ANGPT1: variants seen among roughly 807,000 people sequenced by gnomAD.
The protein encoded by ANGPT1 is angiopoietin-1.
A neutral mutation model predicts 62.2 loss-of-function variants in ANGPT1; 17 were observed. The observed-to-expected ratio is 0.27, with a 90% CI of 0.19 to 0.41. ANGPT1 has a LOEUF of 0.41. Among genes scored for constraint, ANGPT1 ranks in the 10% least tolerant of loss-of-function variants. The pLI is 1.00. For missense variants in ANGPT1, 478 were observed against 594.9 expected (o/e 0.80, Z 2.04); for synonymous variants, 199 against 198.9 (o/e 1.00, Z 0.00).
At chr8:107,393,733 C>T (rs777930712) in intron 1 of ANGPT1, among the ~76,000 whole-genome samples, 1 of 152,186 alleles carries the variant, frequency 6.6e-6, no homozygotes, top group East Asian at 1.9e-4. Context: ...TCACTTGAAC[C>T]TGGGAGACGG....
chr8:107,298,928 TAC>T (rs1296802287), intron 5 of ANGPT1, among the ~76,000 whole-genome samples: 1 of 151,842 alleles, frequency 6.6e-6, no homozygotes, highest in African/African-American at 2.4e-5. Context: ...GTTTACAATG[TAC>T]AGTCTACATG....
chr8:107,462,997 C>A (rs559183225), intron 1 of ANGPT1, among the ~76,000 whole-genome samples: 1 of 152,146 alleles, frequency 6.6e-6, no homozygotes, highest in African/African-American at 2.4e-5. Flanking sequence ...CTAAAATTCA[C>A]ATACTGTGTA....
chr8:107,398,357 T>C (rs1005719189), intron 1 of ANGPT1, among the ~76,000 whole-genome samples: 3 of 152,166 alleles, frequency 2.0e-5, no homozygotes, highest in Admixed American at 6.5e-5. Flanking sequence ...AATTTAAATG[T>C]TAAAAATCCA....
At chr8:107,277,596 A>G (rs10098642) in intron 7 of ANGPT1, among the ~76,000 whole-genome samples, 2,033 of 152,296 alleles carry the variant, frequency 0.013, 51 homozygotes, top group African/African-American at 0.045. Context: ...ATTCCATTAA[A>G]AAACCAAAAA....
chr8:107,259,699 T>C (rs1415804325), intron 8 of ANGPT1, among the ~76,000 whole-genome samples: 1 of 152,088 alleles, frequency 6.6e-6, no homozygotes. Context: ...ATAATTACAG[T>C]TTATGAAAGA....
At chr8:107,457,082 T>C (rs1811939136) in intron 1 of ANGPT1, among the ~76,000 whole-genome samples, 1 of 152,130 alleles carries the variant, frequency 6.6e-6, no homozygotes, top group African/African-American at 2.4e-5. Flanking sequence ...AATTTAACTA[T>C]GTGGCTGATA....
intron 1 of ANGPT1, among the ~76,000 whole-genome samples, chr8:107,355,449 T>C (rs2130186474): frequency 6.6e-6 from 1 of 152,278 alleles, no homozygotes; most frequent in South Asian, 2.1e-4. Context: ...CTGTTCAAAC[T>C]CTTTCAGTAG....
chr8:107,321,985 G>C lies in ANGPT1; in HGVS notation c.719C>G (p.Ala240Gly). Residue 240 changes from alanine to glycine, a missense_variant, in exon 4 of 9, where the codon GCT (alanine) becomes GGT (glycine). Coordinates refer to ENST00000517746, the MANE Select transcript of ANGPT1 (RefSeq NM_001146.5). Reference protein sequence around the residue: ...IQELEKQLNRATTNNSVLQKQ... With the variant: ...IQELEKQLNRGTTNNSVLQKQ... ...CTGAAGGACACTGTTGTTGGTGGTA[G>C]CTCTGTTTAATTGCTTTTCCAGCTC... 2.5e-6 allele frequency: 4 copies of C among 1,614,010 alleles called. No homozygotes were observed. The highest frequency in any genetic ancestry group is 3.4e-6 in the Non-Finnish European group (4 of 1,179,908).
At chr8:107,319,279 T>C (rs1007605929) in intron 4 of ANGPT1, among the ~76,000 whole-genome samples, 1 of 152,154 alleles carries the variant, frequency 6.6e-6, no homozygotes, top group Admixed American at 6.5e-5. Flanking sequence ...GGGAAGCTCA[T>C]TAACATTTTT....
chr8:107,497,227 G>T (rs1318231751), intron 1 of ANGPT1, 35 bp downstream of exon 1: 1 of 1,600,402 alleles, frequency 6.2e-7, no homozygotes, highest in Non-Finnish European at 8.5e-7. Flanking sequence ...AAGGAAAAAG[G>T]TCCGTGCTAT....
chr8:107,421,001 T>C (rs1810882304), intron 1 of ANGPT1, among the ~76,000 whole-genome samples: 1 of 152,128 alleles, frequency 6.6e-6, no homozygotes, highest in Non-Finnish European at 1.5e-5. Flanking sequence ...TATTCTCCAC[T>C]GGTTTAATTC....
At chr8:107,286,406 A>T (rs1372947091) in intron 6 of ANGPT1, among the ~76,000 whole-genome samples, 3 of 152,124 alleles carry the variant, frequency 2.0e-5, no homozygotes, top group South Asian at 2.1e-4. Flanking sequence ...AAATTTAAAG[A>T]ATTTTTAACA....
At chr8:107,460,995 C>T (rs1283530803) in intron 1 of ANGPT1, among the ~76,000 whole-genome samples, 1 of 152,074 alleles carries the variant, frequency 6.6e-6, no homozygotes, top group African/African-American at 2.4e-5. Context: ...GGTACTTGAA[C>T]CTCATAGCCA....
At chr8:107,356,263 G>A (rs191701039) in intron 1 of ANGPT1, among the ~76,000 whole-genome samples, 340 of 152,258 alleles carry the variant, frequency 2.2e-3, no homozygotes, top group African/African-American at 7.7e-3. Flanking sequence ...TTTAAATCAA[G>A]TAAAATCCAT....
Position 107,275,792 on chromosome 8 carries a change from C to A in ANGPT1, c.1205+8890G>T, listed in dbSNP as rs947835726. ...TAGAGCAGTGGATCACAGGACATCA[C>A]CTTAGATAATTTATTGGAGGCAGTG... On this transcript the variant is annotated intron_variant, in intron 7 of 8. Transcript: ENST00000517746. Among the ~76,000 whole-genome samples, 4 of 152,104 alleles carry A rather than the reference C, an allele frequency of 2.6e-5. No homozygotes were observed. The East Asian group carries it at 7.7e-4, about 29-fold the overall frequency.
At chr8:107,480,947 A>G (rs1229118331) in intron 1 of ANGPT1, among the ~76,000 whole-genome samples, 3 of 152,194 alleles carry the variant, frequency 2.0e-5, no homozygotes, top group Non-Finnish European at 2.9e-5. Context: ...AGCAAAGGCC[A>G]TGGCAATAGT....
chr8:107,257,895 G>GTTTTTTTTTTTTTTTTTTTTT (rs1395847817), intron 8 of ANGPT1, among the ~76,000 whole-genome samples: 1 of 108,754 alleles, frequency 9.2e-6, no homozygotes, highest in Non-Finnish European at 1.9e-5. Context: ...TTGTTTGTTT[G>GTTTTTTTTTTTTTTTTTTTTT]TTTGTTTGTT....
At chr8:107,352,866 C>CA (rs1259373505) in intron 1 of ANGPT1, among the ~76,000 whole-genome samples, 1 of 151,486 alleles carries the variant, frequency 6.6e-6, no homozygotes, top group Non-Finnish European at 1.5e-5. Flanking sequence ...TAAAACAATG[C>CA]AAAAAATGCC....
chr8:107,400,782 A>G (rs550802672), intron 1 of ANGPT1, among the ~76,000 whole-genome samples: 11 of 151,686 alleles, frequency 7.3e-5, no homozygotes. Context: ...CTAGTCTCCA[A>G]CTCCTGACCT....
Sources: allele counts gnomAD v4.1 joint callset (sites outside exome capture counted in the v4.1 genomes callset), GRCh38; gene constraint gnomAD v4.1.1; transcripts MANE v1.5; gene names NCBI Gene and HGNC (gene_info 2026-07-23, HGNC 2026-07-21).